The following KAT6A variants were observed in gnomAD, a reference collection of about 807,000 sequenced individuals.
The protein encoded by KAT6A is lysine acetyltransferase 6A.
Under a neutral mutation model 198.4 loss-of-function variants are expected in KAT6A, and 9 were observed. That is an observed-to-expected ratio of 0.05 (90% CI 0.03 to 0.08). The LOEUF (loss-of-function observed/expected upper bound fraction) is 0.08. KAT6A is among the 10% of genes least tolerant of loss of function. The pLI is 1.00. For missense variants in KAT6A, 2,077 were observed against 2,509.9 expected, an observed-to-expected ratio of 0.83 and a Z score of 3.69; for synonymous variants, 890 against 883.0, an observed-to-expected ratio of 1.01 and a Z score of -0.14.
intron 2 of KAT6A, among the ~76,000 whole-genome samples, chr8:42,010,485 T>C (rs901387928): frequency 6.6e-6 from 1 of 152,186 alleles, no homozygotes; most frequent in Non-Finnish European, 1.5e-5. Flanking sequence ...TACAGAAATC[T>C]TGGGTTGCCT....
intron 2 of KAT6A, among the ~76,000 whole-genome samples, chr8:42,039,619 T>TAA (rs975617268): frequency 2.3e-4 from 35 of 152,314 alleles, no homozygotes; most frequent in African/African-American, 7.5e-4. Flanking sequence ...CAGGATGAAC[T>TAA]AAAGAAAAAA....
chr8:41,948,452 CAT>C (rs963450692), intron 10 of KAT6A, among the ~76,000 whole-genome samples: 4 of 152,170 alleles, frequency 2.6e-5, no homozygotes, highest in African/African-American at 9.6e-5. Flanking sequence ...CTCAAGCAAT[CAT>C]GTGGTAAATG....
intron 2 of KAT6A, among the ~76,000 whole-genome samples, chr8:42,015,587 T>C (rs968182302): frequency 6.6e-6 from 1 of 152,228 alleles, no homozygotes; most frequent in Non-Finnish European, 1.5e-5. Flanking sequence ...TAAATTTCAA[T>C]GTATAGATAA....
At chr8:41,942,623 G>A in intron 14 of KAT6A, 170 bp downstream of exon 14, 3 of 732,530 alleles carry the variant, frequency 4.1e-6, no homozygotes, top group Non-Finnish European at 6.5e-6. Context: ...AAATACTTAA[G>A]TAAACCAGGT....
chr8:41,939,217 T>C (rs559395671), intron 15 of KAT6A, among the ~76,000 whole-genome samples: 1 of 151,952 alleles, frequency 6.6e-6, no homozygotes, highest in East Asian at 1.9e-4. Context: ...TCTGAGGGGG[T>C]AGAAATCTTA....
chr8:42,042,635 G>A (rs76603887), intron 2 of KAT6A, among the ~76,000 whole-genome samples: 26 of 152,126 alleles, frequency 1.7e-4, no homozygotes, highest in Admixed American at 1.7e-3. Context: ...ATTTATCATT[G>A]GATCTTTCTG....
At position 41,955,434 on chromosome 8, in the gene KAT6A, C is replaced by G; in HGVS notation, c.1483-23G>C. 2.1e-6 allele frequency: 3 copies of G among 1,436,410 alleles called. No individual in the cohort carries two copies. In the South Asian group the frequency reaches 3.5e-5, roughly 17 times the overall value. The allele number at this position is 1,436,410 out of a possible 1,614,324, so 89.0% of individuals were successfully genotyped here. On this transcript the variant is annotated intron_variant, in intron 8 of 16. Transcript: ENST00000265713. ...TTTCTGTGCAGTCAAGAAATACATT[C>G]AAAAGTTAGCTAAATTAGACACACT...
chr8:42,042,463 C>T (rs1183927260), intron 2 of KAT6A, among the ~76,000 whole-genome samples: 1 of 151,988 alleles, frequency 6.6e-6, no homozygotes, highest in Non-Finnish European at 1.5e-5. Context: ...AAAAAAATCC[C>T]CATTTTAATC....
rs545610943 is a variant in KAT6A, at chr8:41,932,519, C to A, written c.5701G>T (p.Val1901Phe). ...TAGGCGGGAGTAGGCATCAGATTAA[C>A]CCCCATGTTCATGCCACGCTGAACA... is the stretch of plus-strand genomic sequence containing the variant. ...LAVQRGMNMG[V>F]NLMPTPAYNV... is the part of the protein sequence containing the mutation. The change falls in exon 17 of 17, where the codon GTT (valine) becomes TTT (phenylalanine). Residue 1901 changes from valine to phenylalanine, a missense_variant. Physicochemically the swap from Val to Phe is conservative, Grantham distance 50 (BLOSUM62 -1). Around this residue, in one of 13 missense-constraint regions of KAT6A, gnomAD observed 500 missense variants for 577.2 expected, o/e 0.87. Transcript: ENST00000265713. 2.5e-6 allele frequency: 4 copies of A among 1,614,236 alleles called. No individual in the cohort carries two copies. Among genetic ancestry groups the A allele is most frequent in the Non-Finnish European group, 3.4e-6 (4 of 1,180,042 alleles).
chr8:41,940,565 G>C (rs760925434), intron 15 of KAT6A, among the ~76,000 whole-genome samples: 1 of 152,050 alleles, frequency 6.6e-6, no homozygotes, highest in Non-Finnish European at 1.5e-5. Context: ...AAACCAGTAA[G>C]CTAAAAAAAA....
intron 2 of KAT6A, among the ~76,000 whole-genome samples, chr8:42,033,396 A>G (rs1033446922): frequency 1.3e-5 from 2 of 152,254 alleles, no homozygotes; most frequent in African/African-American, 4.8e-5. Flanking sequence ...TTAAAAATAC[A>G]GAAGCATATA....
chr8:41,959,782 C>A (rs985684882), intron 8 of KAT6A, among the ~76,000 whole-genome samples: 6 of 152,118 alleles, frequency 3.9e-5, no homozygotes, highest in African/African-American at 1.4e-4. Flanking sequence ...CGTGGTGAAA[C>A]CCCGTCTCTA....
chr8:41,955,523 AAAAC>A, intron 8 of KAT6A, 112 bp from the exon 9 acceptor site: 2 of 652,400 alleles, frequency 3.1e-6, no homozygotes, highest in South Asian at 3.6e-5. Flanking sequence ...GAGTAAAACA[AAAAC>A]AAAAGCCAGA....
At chr8:41,997,532 A>C (rs1470997473) in intron 2 of KAT6A, among the ~76,000 whole-genome samples, 1 of 152,226 alleles carries the variant, frequency 6.6e-6, no homozygotes, top group Non-Finnish European at 1.5e-5. Context: ...TTGCATAAAA[A>C]CAACTCACTT....
chr8:41,961,464 G>C (rs1564024723), intron 8 of KAT6A, among the ~76,000 whole-genome samples: 1 of 152,128 alleles, frequency 6.6e-6, no homozygotes, highest in Non-Finnish European at 1.5e-5. Context: ...TAAAAAGGGG[G>C]AGAGGGGTGT....
intron 2 of KAT6A, among the ~76,000 whole-genome samples, chr8:42,044,855 T>G (rs1362607624): frequency 6.6e-6 from 1 of 152,228 alleles, no homozygotes. Context: ...CCTTCCTTTC[T>G]CCATCACTGT....
chr8:42,041,594 T>C (rs1827671784), intron 2 of KAT6A, among the ~76,000 whole-genome samples: 1 of 151,744 alleles, frequency 6.6e-6, no homozygotes, highest in Non-Finnish European at 1.5e-5. Flanking sequence ...AAAAATTAGG[T>C]AGGTATGGTG....
intron 2 of KAT6A, among the ~76,000 whole-genome samples, chr8:41,988,300 AAAAG>A (rs1225613875): frequency 6.6e-6 from 1 of 152,258 alleles, no homozygotes; most frequent in African/African-American, 2.4e-5. Flanking sequence ...GAAAAAAAAT[AAAAG>A]AAAGAAGCTA....
chr8:42,035,610 A>G (rs961427826), intron 2 of KAT6A, among the ~76,000 whole-genome samples: 1 of 152,198 alleles, frequency 6.6e-6, no homozygotes, highest in Non-Finnish European at 1.5e-5. Flanking sequence ...GAAGGGGGAG[A>G]CATCTAAGAA....
Sources: gnomAD v4.1 joint callset for allele counts (sites outside exome capture counted in the v4.1 genomes callset) on GRCh38, gnomAD v4.1.1 for gene constraint, gnomAD v4.1.1 regional missense constraint, MANE v1.5 for transcripts, NCBI Gene and HGNC (gene_info 2026-07-23, HGNC 2026-07-21) for gene names.